CHST12: variants seen among roughly 807,000 people sequenced by gnomAD.
CHST12 encodes the protein carbohydrate sulfotransferase 12, also known as carbohydrate (chondroitin 4) sulfotransferase 12.
CHST12 carries 23 observed loss-of-function variants against 27.9 expected under a neutral mutation model. That is an observed-to-expected ratio of 0.82 (90% CI 0.59 to 1.17). CHST12 has a LOEUF of 1.17. CHST12 is among the 50% of genes most tolerant of loss of function. The pLI is 0.00. For missense variants in CHST12, 682 were observed against 603.0 expected (o/e 1.13, Z -1.37); for synonymous variants, 322 against 273.0 (o/e 1.18, Z -1.77).
intron 1 of CHST12, among the ~76,000 whole-genome samples, chr7:2,406,094 G>C (rs1781517079): frequency 6.6e-6 from 1 of 152,020 alleles, no homozygotes; most frequent in South Asian, 2.1e-4. Flanking sequence ...AACACATGCG[G>C]CTTGTTTGTC....
chr7:2,433,128 C>T lies in CHST12; in HGVS notation c.489C>T (p.His163=), dbSNP rs774969501. 3 of 1,612,490 alleles carry T rather than the reference C, an allele frequency of 1.9e-6. No homozygotes were observed. Among genetic ancestry groups the T allele is most frequent in the South Asian group, 1.1e-5 (1 of 91,042 alleles). ...GCCACCTGATCGTGGACGACCGGCA[C>T]GGGGCCATCTACTGCTACGTGCCCA... The part of the protein sequence containing the change: ...ELSHLIVDDR[H]GAIYCYVPKV... The change falls in exon 2 of 2, where the codon CAC becomes CAT. Residue 163 remains histidine, a synonymous_variant. Coordinates refer to ENST00000618655, the MANE Select transcript of CHST12 (RefSeq NM_018641.5). This position sits in a 1 kb window ranked among gnomAD's most constrained non-coding sequence, Gnocchi z 6.1.
Position 2,441,850 on chromosome 7 carries a change from T to C in CHST12, c.*7966T>C, listed in dbSNP as rs935000846. ...TGGTGGTAATGGTTTTAACTGGTGT[T>C]AATTTCAGTTCTTTTAAAAGTTGTG... is the stretch of plus-strand genomic sequence containing the variant. On this transcript the variant is annotated 3_prime_UTR_variant, in exon 2 of 2. Coordinates refer to ENST00000618655, the MANE Select transcript of CHST12 (RefSeq NM_018641.5). The C allele has an allele frequency of 7.2e-5, 11 of 152,178 alleles. No homozygotes were observed. The highest frequency in any genetic ancestry group is 2.4e-4 in the African/African-American group (10 of 41,446). The allele number at this position is 152,178 out of a possible 1,614,324, so 9.4% of individuals were successfully genotyped here. A position where few individuals can be genotyped will look rare whatever the true frequency, so the allele number is the denominator to read the frequency against.
chr7:2,426,848 G>T (rs371163116), intron 1 of CHST12, among the ~76,000 whole-genome samples: 1 of 151,876 alleles, frequency 6.6e-6, no homozygotes, highest in South Asian at 2.1e-4. Flanking sequence ...AAAATTAGCC[G>T]GGTGTCAGGG....
intron 1 of CHST12, among the ~76,000 whole-genome samples, chr7:2,420,154 T>C (rs1378292577): frequency 6.6e-6 from 1 of 151,730 alleles, no homozygotes; most frequent in East Asian, 1.9e-4. Flanking sequence ...TTTGTATTTT[T>C]AGTAGAGACG....
rs923494107 is a variant in CHST12 at position 2,442,330 on chromosome 7, G to C, written c.*8446G>C. 6.6e-6 allele frequency: 1 copy of C among 152,214 alleles called. No individual in the cohort carries two copies. The highest frequency in any genetic ancestry group is 2.4e-5 in the African/African-American group (1 of 41,440). The allele number at this position is 152,214 out of a possible 1,614,324, so 9.4% of individuals were successfully genotyped here. ...TCTCTCGGCTCTTGTGAATAATGCT[G>C]CTGTGAACACGGGTGTGCAGATACC... On this transcript the variant is annotated 3_prime_UTR_variant, in exon 2 of 2. Coordinates refer to ENST00000618655, the MANE Select transcript of CHST12 (RefSeq NM_018641.5).
Position 2,432,765 on chromosome 7 carries a change from G to C in CHST12, c.126G>C (p.Arg42Ser), listed in dbSNP as rs1782316107. The change falls in exon 2 of 2, where the codon AGG (arginine) becomes AGC (serine). Residue 42 changes from arginine to serine, a missense_variant. Coordinates refer to ENST00000618655, the MANE Select transcript of CHST12 (RefSeq NM_018641.5). ...AHFYLHTSFS[R>S]PHTGPPLPTP... ...TCTACTTGCACACGTCCTTCTCTAG[G>C]CCGCACACGGGGCCGCCGCTGCCCA... 1 of 1,613,766 alleles carries C rather than the reference G, an allele frequency of 6.2e-7. No homozygotes were observed. Among genetic ancestry groups the C allele is most frequent in the Non-Finnish European group, 8.5e-7 (1 of 1,179,814 alleles).
intron 1 of CHST12, among the ~76,000 whole-genome samples, chr7:2,432,362 G>T (rs188862899): frequency 3.9e-5 from 6 of 152,152 alleles, no homozygotes; most frequent in South Asian, 2.1e-4. Flanking sequence ...GGCGTCCAGG[G>T]TCATTACTGG....
At chr7:2,423,820 C>A (rs1326965289) in intron 1 of CHST12, among the ~76,000 whole-genome samples, 1 of 152,190 alleles carries the variant, frequency 6.6e-6, no homozygotes, top group Non-Finnish European at 1.5e-5. Context: ...CGTGGTGGCT[C>A]ATGCCAGAAG....
intron 1 of CHST12, among the ~76,000 whole-genome samples, chr7:2,406,769 A>C (rs1470664408): frequency 6.6e-6 from 1 of 152,200 alleles, no homozygotes; most frequent in Non-Finnish European, 1.5e-5. Flanking sequence ...CCCAGTGTTC[A>C]AGGCATCAAG....
At position 2,438,233 on chromosome 7, in the gene CHST12, A is replaced by G. The variant is rs553363814; in HGVS notation, c.*4349A>G. The G allele has an allele frequency of 6.6e-6, 1 of 152,288 alleles. No homozygotes were observed. Among genetic ancestry groups the G allele is most frequent in the Non-Finnish European group, 1.5e-5 (1 of 68,132 alleles). 9.4% of individuals were successfully genotyped at this position (152,288 alleles called of 1,614,324 possible). A position where few individuals can be genotyped will look rare whatever the true frequency, so the allele number is the denominator to read the frequency against. On this transcript the variant is annotated 3_prime_UTR_variant, in exon 2 of 2. Coordinates refer to ENST00000618655, the MANE Select transcript of CHST12 (RefSeq NM_018641.5). ...CCTTTCCTGAATGTGTTGGTTCGGC[A>G]TGGTGACAGGTGTTTCCCTGCGGCA...
intron 1 of CHST12, among the ~76,000 whole-genome samples, chr7:2,425,511 G>C (rs1217867476): frequency 6.6e-6 from 1 of 152,212 alleles, no homozygotes; most frequent in Non-Finnish European, 1.5e-5. Flanking sequence ...CTCTGACGGA[G>C]ATGAGTGCCT....
At chr7:2,426,605 C>T (rs1562516939) in intron 1 of CHST12, among the ~76,000 whole-genome samples, 1 of 151,482 alleles carries the variant, frequency 6.6e-6, no homozygotes, top group Non-Finnish European at 1.5e-5. Context: ...CTCACTCTTG[C>T]ACCCTTAATT....
intron 1 of CHST12, among the ~76,000 whole-genome samples, chr7:2,430,482 AT>A (rs1782244166): frequency 6.6e-6 from 1 of 152,030 alleles, no homozygotes; most frequent in Non-Finnish European, 1.5e-5. Flanking sequence ...TGCCCAGCTA[AT>A]TTTTGCATTT....
chr7:2,434,472 C>T lies in CHST12; in HGVS notation c.*588C>T, dbSNP rs1303221405. 1.8e-5 allele frequency: 3 copies of T among 164,130 alleles called. No homozygotes were observed. Among genetic ancestry groups the T allele is most frequent in the Admixed American group, 1.4e-4 (2 of 14,686 alleles). The allele number at this position is 164,130 out of a possible 1,614,324, so 10.2% of individuals were successfully genotyped here. A position where few individuals can be genotyped will look rare whatever the true frequency, so the allele number is the denominator to read the frequency against. ...TTAAATTATGGCTGTTAAGGCCGGG[C>T]GGGTGACTCAGGCAGGTAATCCCAG... is the stretch of plus-strand genomic sequence containing the variant. On this transcript the variant is annotated 3_prime_UTR_variant, in exon 2 of 2. Transcript: ENST00000618655.
At chr7:2,410,470 C>T (rs1781638127) in intron 1 of CHST12, among the ~76,000 whole-genome samples, 1 of 152,164 alleles carries the variant, frequency 6.6e-6, no homozygotes, top group Admixed American at 6.5e-5. Flanking sequence ...TGCACCACTG[C>T]ACTCCAGCCT....
chr7:2,425,195 C>T (rs1214415052), intron 1 of CHST12, among the ~76,000 whole-genome samples: 1 of 135,688 alleles, frequency 7.4e-6, no homozygotes, highest in African/African-American at 2.9e-5. Flanking sequence ...CAGAGCAAGA[C>T]TCCGTCTCAA....
chr7:2,415,179 A>C (rs945242835), intron 1 of CHST12, among the ~76,000 whole-genome samples: 3 of 152,166 alleles, frequency 2.0e-5, no homozygotes, highest in Non-Finnish European at 4.4e-5. Flanking sequence ...AGCCTGGCCA[A>C]CATGATGAAA....
chr7:2,423,336 G>T (rs1344707911), intron 1 of CHST12, among the ~76,000 whole-genome samples: 1 of 152,088 alleles, frequency 6.6e-6, no homozygotes, highest in Admixed American at 6.6e-5. Context: ...CGTTCAGAGG[G>T]TATTGAAAGC....
chr7:2,434,118 C>CCGCCCGCT lies in CHST12; in HGVS notation c.*252_*259dup, dbSNP rs779052191. The CCGCCCGCT allele has an allele frequency of 0.025, 8,991 of 353,636 alleles. 491 individuals carry two copies. The highest frequency in any genetic ancestry group is 0.13 in the East Asian group (2,402 of 18,294). The allele number at this position is 353,636 out of a possible 1,614,324, so 21.9% of individuals were successfully genotyped here. A position where few individuals can be genotyped will look rare whatever the true frequency, so the allele number is the denominator to read the frequency against. ...CTCTCCCCTCCGCCCGCCCACCCGCCCGCCCGCTCGCCCGCTCGCCCGCTC... is the reference window on the plus strand; with the variant it reads ...CTCTCCCCTCCGCCCGCCCACCCGCCCGCCCGCTCGCCCGCTCGCCCGCTCGCCCGCTC... On this transcript the variant is annotated 3_prime_UTR_variant, in exon 2 of 2. Transcript: ENST00000618655.
Sources: gnomAD v4.1 joint callset for allele counts (sites outside exome capture counted in the v4.1 genomes callset) on GRCh38, gnomAD v4.1.1 for gene constraint, Gnocchi (gnomAD v3.1) non-coding constraint, MANE v1.5 for transcripts, NCBI Gene and HGNC (gene_info 2026-07-23, HGNC 2026-07-21) for gene names.